The following FBXL4 variants were observed in gnomAD, a reference collection of about 807,000 sequenced individuals.
FBXL4 encodes the protein F-box and leucine rich repeat protein 4.
A neutral mutation model predicts 58.9 loss-of-function variants in FBXL4; 40 were observed. That is an observed-to-expected ratio of 0.68 (90% CI 0.53 to 0.88). FBXL4 has a LOEUF of 0.88. Among genes scored for constraint, FBXL4 ranks in the 40% least tolerant of loss-of-function variants. FBXL4 has a pLI of 0.00. For synonymous variants in FBXL4, 263 were observed against 265.5 expected (o/e 0.99, Z 0.09); for missense variants, 676 against 734.4 (o/e 0.92, Z 0.92).
rs1770819020 is a variant in FBXL4, at chr6:98,880,616, T to C, written c.1326A>G (p.Ala442=). ...AACAGAAGTTCAAAATGCTGAGCAG[T>C]GCTGTTTGCTGCCATTAGGGACCAC... The part of the protein sequence containing the change: ...VLYRTKVEQT[A]LLSILNFCSE... The change falls in exon 8 of 10, where the codon GCA becomes GCG. Residue 442 remains alanine (A), a synonymous_variant. Coordinates refer to ENST00000369244, the MANE Select transcript of FBXL4 (RefSeq NM_001278716.2). 1 of 1,613,688 alleles carries C rather than the reference T, an allele frequency of 6.2e-7. No individual in the cohort carries two copies. The highest frequency in any genetic ancestry group is 1.3e-5 in the African/African-American group (1 of 74,912).
intron 5 of FBXL4, among the ~76,000 whole-genome samples, chr6:98,907,903 A>G (rs1034319843): frequency 1.3e-5 from 2 of 152,178 alleles, no homozygotes; most frequent in Non-Finnish European, 2.9e-5. Flanking sequence ...GATGTTTCTT[A>G]GTAATTTTCT....
Sources: allele counts gnomAD v4.1 joint callset (sites outside exome capture counted in the v4.1 genomes callset), GRCh38; gene constraint gnomAD v4.1.1; transcripts MANE v1.5; gene names NCBI Gene and HGNC (gene_info 2026-07-23, HGNC 2026-07-21).